Variants in CCDC171 observed in about 807,000 individuals in gnomAD.
CCDC171 encodes coiled-coil domain-containing protein 171.
Under a neutral mutation model 168.2 loss-of-function variants are expected in CCDC171, and 177 were observed. The observed-to-expected ratio is 1.05, with a 90% confidence interval of 0.93 to 1.19. CCDC171 has a LOEUF of 1.19. Among genes scored for constraint, CCDC171 ranks in the 50% most tolerant of loss-of-function variants. CCDC171 has a pLI of 0.00. For missense variants in CCDC171, 1,991 were observed against 1,539.0 expected (o/e 1.29, Z -4.91); for synonymous variants, 687 against 540.8 (o/e 1.27, Z -3.75).
At position 15,858,399 on chromosome 9, in the gene CCDC171, G is replaced by A. The variant is rs1280068960; in HGVS notation, c.3468+9452G>A. ...TTTTTCAAGCTCTTTTTGGCTATTTGAGGCAGTTTCTGGTTGCATATGAAG... is the reference window on the plus strand; with the variant it reads ...TTTTTCAAGCTCTTTTTGGCTATTTAAGGCAGTTTCTGGTTGCATATGAAG... On this transcript the variant is annotated intron_variant, in intron 23 of 25. Coordinates refer to ENST00000380701, the MANE Select transcript of CCDC171 (RefSeq NM_173550.4). Among the ~76,000 whole-genome samples, 5 of 151,978 alleles carry A rather than the reference G, an allele frequency of 3.3e-5. 1 individual carries two copies. The highest frequency in any genetic ancestry group is 7.4e-5 in the Non-Finnish European group (5 of 68,002).
At chr9:15,873,031 T>C (rs769116653) in intron 23 of CCDC171, among the ~76,000 whole-genome samples, 7 of 152,096 alleles carry the variant, frequency 4.6e-5, no homozygotes, top group Non-Finnish European at 8.8e-5. Context: ...AGCATGCATG[T>C]GGTACTCACA....
In CCDC171 at chr9:15,928,872, A is replaced by G. The variant is rs1457332260; in HGVS notation, c.3753+8450A>G. Among the ~76,000 whole-genome samples the G allele has an allele frequency of 1.3e-5, 2 of 151,680 alleles. 1 individual carries two copies. Among genetic ancestry groups the G allele is most frequent in the Admixed American group, 1.3e-4 (2 of 15,158 alleles). Reference sequence around the variant, plus strand: ...CTCAAGAGTTGTTTGTATAGGAAACAGGGGCCTGGAGTTATTGGTGCATAT... The same window carrying G: ...CTCAAGAGTTGTTTGTATAGGAAACGGGGGCCTGGAGTTATTGGTGCATAT... On this transcript the variant is annotated intron_variant, in intron 25 of 25. Transcript: ENST00000380701.
intron 21 of CCDC171, among the ~76,000 whole-genome samples, chr9:15,789,377 G>T (rs570708064): frequency 6.6e-6 from 1 of 152,290 alleles, no homozygotes; most frequent in East Asian, 1.9e-4. Flanking sequence ...GGAAATAGGA[G>T]ATTAAGCTTT....
At chr9:16,100,766 G>C in the CCDC171 span, among the ~76,000 whole-genome samples, 1 of 152,146 alleles carries the variant, frequency 6.6e-6, no homozygotes, top group African/African-American at 2.4e-5. Context: ...TGGTTCAGGG[G>C]AGTTTTCTGT....
In CCDC171 at chr9:15,990,447, A is replaced by G. The variant is rs1832149911; in HGVS notation, n.369-30142A>G. ...GAAGCACTAAACATGGAAAGGAACAACCAGTACCAGCCACTGCAAAAACAT... is the reference window on the plus strand; with the variant it reads ...GAAGCACTAAACATGGAAAGGAACAGCCAGTACCAGCCACTGCAAAAACAT... On this transcript the variant is annotated intron_variant and non_coding_transcript_variant, in intron 3 of 9. Coordinates refer to the CCDC171 transcript ENST00000486641. Among the ~76,000 whole-genome samples, 3 of 152,336 alleles carry G rather than the reference A, an allele frequency of 2.0e-5. No homozygotes were observed. In the South Asian group the frequency reaches 6.2e-4, roughly 32 times the overall value.
At chr9:15,777,074 A>G (rs2057366484) in intron 18 of CCDC171, among the ~76,000 whole-genome samples, 1 of 152,242 alleles carries the variant, frequency 6.6e-6, no homozygotes, top group South Asian at 2.1e-4. Context: ...ATTATTAATT[A>G]CAGACCTGAT....
chr9:16,100,793 C>T, the CCDC171 span, among the ~76,000 whole-genome samples: 4 of 152,170 alleles, frequency 2.6e-5, no homozygotes, highest in African/African-American at 7.2e-5. Context: ...GAGAGCCTGT[C>T]AGGCGCCCCC....
chr9:15,809,823 C>G (rs906993094), intron 21 of CCDC171, among the ~76,000 whole-genome samples: 1 of 152,222 alleles, frequency 6.6e-6, no homozygotes, highest in South Asian at 2.1e-4. Flanking sequence ...CGGGTTGCCA[C>G]TGCTGCCTGG....
downstream of CCDC171, among the ~76,000 whole-genome samples, chr9:15,977,923 A>G (rs1290079715): frequency 6.6e-6 from 1 of 152,218 alleles, no homozygotes; most frequent in Non-Finnish European, 1.5e-5. Flanking sequence ...ATGCCTAGTA[A>G]AAAGAACTGT....
At chr9:15,721,975 A>G (rs532579232) in intron 12 of CCDC171, 100 bp downstream of exon 12, 2 of 476,004 alleles carry the variant, frequency 4.2e-6, no homozygotes, top group East Asian at 6.7e-5. Context: ...GGAATGTTGA[A>G]CTGACAGCTT....
Position 16,021,762 on chromosome 9 carries a change from T to C in CCDC171, n.575-570T>C, listed in dbSNP as rs1833170477. Among the ~76,000 whole-genome samples the C allele has an allele frequency of 2.0e-5, 3 of 152,308 alleles. No individual in the cohort carries two copies. The South Asian group carries it at 6.2e-4, about 32-fold the overall frequency. ...TAATGAAATAATGTGAGCAAAAGTC[T>C]TAGAGTGAATTCAAGATTTGCGATG... On this transcript the variant is annotated intron_variant and non_coding_transcript_variant, in intron 4 of 9. Transcript: ENST00000486641.
the CCDC171 span, among the ~76,000 whole-genome samples, chr9:16,106,513 A>C: frequency 6.6e-6 from 1 of 152,150 alleles, no homozygotes; most frequent in Non-Finnish European, 1.5e-5. Flanking sequence ...TTCTCTCTCC[A>C]AAACCCCAAA....
At chr9:15,681,566 A>T (rs1256978889) in intron 10 of CCDC171, among the ~76,000 whole-genome samples, 5 of 152,148 alleles carry the variant, frequency 3.3e-5, no homozygotes, top group Admixed American at 1.3e-4. Context: ...GTCTTTAAAT[A>T]GTAAGTACAA....
chr9:15,894,435 TAAAAA>T (rs973803568), intron 24 of CCDC171, among the ~76,000 whole-genome samples: 1 of 151,898 alleles, frequency 6.6e-6, no homozygotes, highest in African/African-American at 2.4e-5. Flanking sequence ...ACTTAAAAGA[TAAAAA>T]AAGAAAAATA....
At chr9:15,631,416 A>T (rs1204481014) in intron 7 of CCDC171, among the ~76,000 whole-genome samples, 1 of 152,208 alleles carries the variant, frequency 6.6e-6, no homozygotes, top group East Asian at 1.9e-4. Context: ...AAACTAGAAA[A>T]TCTTGAAGAA....
chr9:15,762,492 T>C (rs947363789), intron 18 of CCDC171, among the ~76,000 whole-genome samples: 1 of 152,166 alleles, frequency 6.6e-6, no homozygotes, highest in Admixed American at 6.6e-5. Context: ...GCCAATTATG[T>C]TATTAAAGAA....
intron 8 of CCDC171, among the ~76,000 whole-genome samples, chr9:15,665,511 C>T (rs912423701): frequency 4.6e-5 from 7 of 152,276 alleles, no homozygotes; most frequent in Middle Eastern, 3.4e-3. Context: ...CCAGGAGCAG[C>T]GGCTCATGCC....
At chr9:15,767,065 T>G (rs2056762726) in intron 18 of CCDC171, among the ~76,000 whole-genome samples, 1 of 152,226 alleles carries the variant, frequency 6.6e-6, no homozygotes, top group Admixed American at 6.5e-5. Flanking sequence ...TAAAAATACA[T>G]GACGAAAGTT....
intron 21 of CCDC171, among the ~76,000 whole-genome samples, chr9:15,824,142 C>T (rs1340929437): frequency 6.6e-6 from 1 of 151,992 alleles, no homozygotes; most frequent in Non-Finnish European, 1.5e-5. Flanking sequence ...AAAAACATGA[C>T]ATATTGGCTT....
Sources: gnomAD v4.1 joint callset for allele counts (sites outside exome capture counted in the v4.1 genomes callset) on GRCh38, gnomAD v4.1.1 for gene constraint, MANE v1.5 for transcripts, NCBI Gene and HGNC (gene_info 2026-07-23, HGNC 2026-07-21) for gene names.